BICD1: variants seen among roughly 807,000 people sequenced by gnomAD.
BICD1 encodes protein bicaudal D homolog 1.
BICD1 carries 35 observed loss-of-function variants against 92.5 expected under a neutral mutation model. That is an observed-to-expected ratio of 0.38 (90% CI 0.29 to 0.50). BICD1 has a LOEUF of 0.50. Among genes scored for constraint, BICD1 ranks in the 20% least tolerant of loss-of-function variants. The pLI is 0.93. For synonymous variants in BICD1, 429 were observed against 465.1 expected (o/e 0.92, Z 1.00); for missense variants, 950 against 1,189.8 (o/e 0.80, Z 2.97).
At chr12:32,319,258 TTTC>T (rs199599929) in intron 4 of BICD1, among the ~76,000 whole-genome samples, 1,565 of 152,322 alleles carry the variant, frequency 0.01, 28 homozygotes, top group African/African-American at 0.036. Flanking sequence ...GTGAGGGAGT[TTTC>T]TTCTATGACT....
At chr12:32,264,575 C>G (rs1262653351) in intron 2 of BICD1, among the ~76,000 whole-genome samples, 1 of 152,124 alleles carries the variant, frequency 6.6e-6, no homozygotes, top group African/African-American at 2.4e-5. Flanking sequence ...GCAACCTCTG[C>G]CTCCTGGGTC....
chr12:32,212,625 C>T (rs1344838356), intron 1 of BICD1, among the ~76,000 whole-genome samples: 2 of 152,132 alleles, frequency 1.3e-5, no homozygotes, highest in Admixed American at 6.5e-5. Context: ...GGTTTTGCCA[C>T]GTTGGCCAGA....
intron 5 of BICD1, chr12:32,333,162 T>G (rs1937954098): frequency 1.0e-6 from 1 of 984,450 alleles, no homozygotes; most frequent in African/African-American, 1.7e-5. Flanking sequence ...ATTTCACAAC[T>G]TAAACATACT....
chr12:32,148,138 T>C (rs571188381), intron 1 of BICD1, among the ~76,000 whole-genome samples: 42 of 694 alleles, frequency 0.061, no homozygotes, highest in Middle Eastern at 0.25. Context: ...CGAGACTCCG[T>C]CTCCAAAAAA....
At chr12:32,142,457 T>TCTATCTATCCTATC (rs1555134308) in intron 1 of BICD1, among the ~76,000 whole-genome samples, 4 of 57,216 alleles carry the variant, frequency 7.0e-5, no homozygotes, top group African/African-American at 9.6e-5. Flanking sequence ...ATCTATCCTA[T>TCTATCTATCCTATC]CTATCTATCT....
intron 1 of BICD1, among the ~76,000 whole-genome samples, chr12:32,118,505 C>T (rs763428637): frequency 3.9e-5 from 6 of 152,298 alleles, no homozygotes; most frequent in Admixed American, 1.3e-4. Context: ...CGGTACTAAA[C>T]GTATACAGGC....
At chr12:32,159,252 C>T (rs1284700830) in intron 1 of BICD1, among the ~76,000 whole-genome samples, 4 of 152,078 alleles carry the variant, frequency 2.6e-5, no homozygotes, top group Admixed American at 6.6e-5. Context: ...TTTGATTTAT[C>T]GGTTTCCTAG....
At chr12:32,164,885 A>G (rs1033901033) in intron 1 of BICD1, among the ~76,000 whole-genome samples, 1 of 152,170 alleles carries the variant, frequency 6.6e-6, no homozygotes, top group Non-Finnish European at 1.5e-5. Context: ...TGTACTCTTC[A>G]TCAAAATTAT....
rs115151205 is a variant in BICD1, at chr12:32,301,561, G to A, written c.580-4136G>A. The stretch of plus-strand genomic sequence containing the variant: ...AGGCTGAGGTGGAAGGATTGCTTCG[G>A]TCCAGGAGTTTGAGACCAGCCTGGG... On this transcript the variant is annotated intron_variant, in intron 3 of 9. Transcript: ENST00000652176. 6.1e-3 allele frequency among the ~76,000 whole-genome samples: 933 copies of A among 152,058 alleles called. 8 individuals carry two copies. The highest frequency in any genetic ancestry group is 0.021 in the African/African-American group (851 of 41,488).
intron 1 of BICD1, among the ~76,000 whole-genome samples, chr12:32,149,688 A>C (rs1943230662): frequency 6.6e-6 from 1 of 152,220 alleles, no homozygotes; most frequent in Non-Finnish European, 1.5e-5. Context: ...AAGAGAGAGT[A>C]ACTGACAGTT....
chr12:32,216,349 C>A lies in BICD1; in HGVS notation c.316C>A (p.Leu106Met), dbSNP rs1945361562. ...GTCAGCATCGAAGGAGGCTTACTAT[C>A]TGGGGAAGATCTTGGAGATGCAGAA... ...QESASKEAYY[L>M]GKILEMQNEL... The change falls in exon 2 of 10, where the codon CTG becomes ATG. Residue 106 changes from leucine to methionine, a missense_variant. This residue lies in a region of BICD1 where 202 missense variants were observed against 205.3 expected (regional missense o/e 0.98). Transcript: ENST00000652176. 3 of 1,614,180 alleles carry A rather than the reference C, an allele frequency of 1.9e-6. 1 individual carries two copies. In the South Asian group the frequency reaches 3.3e-5, roughly 18 times the overall value.
At chr12:32,249,331 G>A (rs765062027) in intron 2 of BICD1, among the ~76,000 whole-genome samples, 16 of 152,164 alleles carry the variant, frequency 1.1e-4, no homozygotes, top group African/African-American at 3.6e-4. Flanking sequence ...ACAACAGAAC[G>A]TGTTCTTATA....
chr12:32,210,743 A>G (rs1253763501), intron 1 of BICD1, among the ~76,000 whole-genome samples: 3 of 152,236 alleles, frequency 2.0e-5, no homozygotes, highest in Non-Finnish European at 2.9e-5. Context: ...TACCCATGAA[A>G]TGATTGCAGT....
chr12:32,326,259 G>T (rs1808997824), intron 4 of BICD1, among the ~76,000 whole-genome samples: 2 of 151,740 alleles, frequency 1.3e-5, no homozygotes, highest in African/African-American at 4.8e-5. Flanking sequence ...ACTTCTTATA[G>T]AACAATAATG....
At chr12:32,330,096 G>A (rs563409020) in intron 5 of BICD1, among the ~76,000 whole-genome samples, 18 of 152,074 alleles carry the variant, frequency 1.2e-4, no homozygotes, top group Admixed American at 2.0e-4. Context: ...GGAAAACCAC[G>A]CCCTTATTAT....
At chr12:32,312,827 T>G (rs1948413434) in intron 4 of BICD1, among the ~76,000 whole-genome samples, 1 of 152,212 alleles carries the variant, frequency 6.6e-6, no homozygotes, top group African/African-American at 2.4e-5. Context: ...CCTTTATTCA[T>G]GAGAGAAGTT....
intron 2 of BICD1, among the ~76,000 whole-genome samples, chr12:32,257,013 G>A (rs1946737686): frequency 1.3e-5 from 2 of 152,062 alleles, no homozygotes; most frequent in African/African-American, 4.8e-5. Flanking sequence ...AAGAGATCAA[G>A]ACCATCCTGG....
At chr12:32,364,137 AACACAGTTTCTG>A (rs1939439798) in intron 8 of BICD1, among the ~76,000 whole-genome samples, 1 of 152,170 alleles carries the variant, frequency 6.6e-6, no homozygotes. Context: ...CCTGCTGCCT[AACACAGTTTCTG>A]ACACAAAATA....
At position 32,337,619 on chromosome 12, in the gene BICD1, C is replaced by T. The variant is rs772266476; in HGVS notation, c.2373C>T (p.Thr791=). Residue 791 remains threonine (T), a synonymous_variant, in exon 7 of 10, where the codon ACC becomes ACT. Transcript: ENST00000652176. This position sits in a 1 kb window ranked among gnomAD's most constrained non-coding sequence, Gnocchi z 4.7. ...RMAIQQKLAL[T]QRLEDLEFDH... is the part of the protein sequence containing the mutation. ...CTATCCAGCAAAAACTCGCCCTGACCCAGAGGCTGGAGGACTTAGAGTTTG... is the reference window on the plus strand; with the variant it reads ...CTATCCAGCAAAAACTCGCCCTGACTCAGAGGCTGGAGGACTTAGAGTTTG... 6.2e-7 allele frequency: 1 copy of T among 1,614,164 alleles called. No homozygotes were observed. Among genetic ancestry groups the T allele is most frequent in the Non-Finnish European group, 8.5e-7 (1 of 1,180,028 alleles).
Sources: allele counts gnomAD v4.1 joint callset (sites outside exome capture counted in the v4.1 genomes callset), GRCh38; gene constraint gnomAD v4.1.1; regional missense constraint gnomAD v4.1.1; non-coding constraint Gnocchi (gnomAD v3.1); transcripts MANE v1.5; gene names NCBI Gene and HGNC (gene_info 2026-07-23, HGNC 2026-07-21).